Variants in COMMD1 observed in about 807,000 individuals in gnomAD.
COMMD1 encodes copper metabolism domain containing 1, also known as COMM domain-containing protein 1.
Under a neutral mutation model 17.2 loss-of-function variants are expected in COMMD1, and 10 were observed. The ratio of observed to expected loss-of-function variants is 0.58; its 90% CI spans 0.36 to 0.99. COMMD1 has a LOEUF of 0.99. Among genes scored for constraint, COMMD1 ranks in the 50% least tolerant of loss-of-function variants. The pLI is 0.01. For synonymous variants in COMMD1, 97 were observed against 91.6 expected (o/e 1.06, Z -0.34); for missense variants, 270 against 231.8 (o/e 1.17, Z -1.07).
chr2:62,097,707 AAG>A (rs1672049854), intron 2 of COMMD1, among the ~76,000 whole-genome samples: 1 of 152,210 alleles, frequency 6.6e-6, no homozygotes, highest in Non-Finnish European at 1.5e-5. Context: ...AGGCTATAAT[AAG>A]AGAGTTTGAA....
At chr2:62,010,417 C>T (rs1218440299) in intron 2 of COMMD1, among the ~76,000 whole-genome samples, 1 of 152,052 alleles carries the variant, frequency 6.6e-6, no homozygotes, top group Non-Finnish European at 1.5e-5. Flanking sequence ...CAACTCACTT[C>T]CTAGTTGATC....
chr2:62,037,474 A>C (rs938465364), intron 2 of COMMD1, among the ~76,000 whole-genome samples: 8 of 152,300 alleles, frequency 5.3e-5, no homozygotes, highest in African/African-American at 1.9e-4. Context: ...ATTTCCATTA[A>C]TATATATTTA....
At chr2:62,042,282 C>CA (rs1670235785) in intron 2 of COMMD1, among the ~76,000 whole-genome samples, 1 of 152,230 alleles carries the variant, frequency 6.6e-6, no homozygotes, top group East Asian at 1.9e-4. Context: ...TTTAGCTAGA[C>CA]ACAGAGTGCT....
intron 1 of COMMD1, among the ~76,000 whole-genome samples, chr2:62,000,270 ATTTT>A (rs370727672): frequency 3.1e-5 from 4 of 127,312 alleles, no homozygotes; most frequent in Non-Finnish European, 1.7e-5. Flanking sequence ...ATTTCAGTGA[ATTTT>A]TTTTTTTTTT....
intron 1 of COMMD1, among the ~76,000 whole-genome samples, chr2:61,947,043 T>A (rs909183131): frequency 6.6e-6 from 1 of 152,170 alleles, no homozygotes; most frequent in African/African-American, 2.4e-5. Context: ...ATACCAGCAT[T>A]TTTTTAGCAG....
intron 1 of COMMD1, among the ~76,000 whole-genome samples, chr2:61,977,752 C>T (rs58137465): frequency 0.028 from 4,232 of 151,748 alleles, 93 homozygotes; most frequent in East Asian, 0.089. Context: ...TTTGGGAGGC[C>T]GAGACAGGCC....
intron 1 of COMMD1, among the ~76,000 whole-genome samples, chr2:61,929,709 A>T (rs984888621): frequency 6.6e-6 from 1 of 152,180 alleles, no homozygotes. Context: ...AGGCAGGAGG[A>T]TCACTTGAGC....
rs1027300035 is a variant in COMMD1 at position 61,921,465 on chromosome 2, A to G, written c.180+15607A>G. Among the ~76,000 whole-genome samples the G allele has an allele frequency of 2.0e-5, 3 of 151,898 alleles. No individual in the cohort carries two copies. The South Asian group carries it at 6.2e-4, about 32-fold the overall frequency. On this transcript the variant is annotated intron_variant, in intron 1 of 2. Coordinates refer to ENST00000311832, the MANE Select transcript of COMMD1 (RefSeq NM_152516.4). The stretch of plus-strand genomic sequence containing the variant: ...TTGTTTTTGTTTTTGTTTTTTTGAG[A>G]CAGAGTCTTGCTCTGTTTCCCAGGC...
intron 2 of COMMD1, among the ~76,000 whole-genome samples, chr2:62,101,252 T>C (rs745965707): frequency 2.0e-5 from 3 of 152,298 alleles, no homozygotes; most frequent in Non-Finnish European, 2.9e-5. Context: ...AATTAAATTC[T>C]GATACTACCC....
intron 1 of COMMD1, among the ~76,000 whole-genome samples, chr2:61,939,512 C>A (rs1200493163): frequency 6.6e-6 from 1 of 151,896 alleles, no homozygotes; most frequent in African/African-American, 2.4e-5. Flanking sequence ...ATGTAGGCTC[C>A]TTTCAAGTTG....
At chr2:62,034,377 G>A (rs1470203175) in intron 2 of COMMD1, among the ~76,000 whole-genome samples, 5 of 152,042 alleles carry the variant, frequency 3.3e-5, no homozygotes, top group African/African-American at 9.7e-5. Context: ...GCAGGCACCT[G>A]TAATCCCAGC....
chr2:61,971,233 C>T (rs1671643247), intron 1 of COMMD1, among the ~76,000 whole-genome samples: 1 of 152,252 alleles, frequency 6.6e-6, no homozygotes, highest in African/African-American at 2.4e-5. Flanking sequence ...CGTGAGAGCA[C>T]ACCTGAATAA....
At chr2:61,890,313 G>A (rs1028244902) in intron 1 of COMMD1, among the ~76,000 whole-genome samples, 5 of 152,188 alleles carry the variant, frequency 3.3e-5, no homozygotes, top group Non-Finnish European at 5.9e-5. Flanking sequence ...TCCGCCTCCC[G>A]GGTTCAAGCG....
intron 2 of COMMD1, among the ~76,000 whole-genome samples, chr2:62,017,649 G>A (rs984017950): frequency 6.6e-6 from 1 of 151,650 alleles, no homozygotes; most frequent in Admixed American, 6.6e-5. Context: ...CAGCCTGGGT[G>A]ACAAGAGTGA....
intron 2 of COMMD1, among the ~76,000 whole-genome samples, chr2:62,058,873 C>T (rs1200632070): frequency 5.9e-5 from 9 of 152,070 alleles, no homozygotes; most frequent in African/African-American, 9.7e-5. Context: ...CTCTGCCTCC[C>T]GGATTCAAGC....
intron 2 of COMMD1, among the ~76,000 whole-genome samples, chr2:62,072,423 C>A (rs1343825654): frequency 6.6e-6 from 1 of 152,130 alleles, no homozygotes; most frequent in Non-Finnish European, 1.5e-5. Flanking sequence ...GGACTACCTG[C>A]CTTCAGGTAG....
intron 1 of COMMD1, among the ~76,000 whole-genome samples, chr2:61,896,006 A>T (rs1248121271): frequency 6.6e-6 from 1 of 152,162 alleles, no homozygotes; most frequent in Non-Finnish European, 1.5e-5. Flanking sequence ...GTGCCATCCC[A>T]TCAATTCAGG....
At chr2:62,104,667 CA>C (rs1393657120) in intron 2 of COMMD1, among the ~76,000 whole-genome samples, 1 of 143,080 alleles carries the variant, frequency 7.0e-6, no homozygotes, top group Non-Finnish European at 1.5e-5. Context: ...ATAACAACAA[CA>C]AACACATCCC....
intron 1 of COMMD1, among the ~76,000 whole-genome samples, chr2:61,953,120 C>T (rs1230499478): frequency 6.6e-6 from 1 of 151,904 alleles, no homozygotes; most frequent in Non-Finnish European, 1.5e-5. Flanking sequence ...AGTGATTCTC[C>T]TGCCTCAGCC....
Sources: allele counts gnomAD v4.1 joint callset (sites outside exome capture counted in the v4.1 genomes callset), GRCh38; gene constraint gnomAD v4.1.1; transcripts MANE v1.5; gene names NCBI Gene and HGNC (gene_info 2026-07-23, HGNC 2026-07-21).